CCDC186: variants seen among roughly 807,000 people sequenced by gnomAD.
CCDC186 encodes the protein coiled-coil domain containing 186.
CCDC186 carries 49 observed loss-of-function variants against 113.7 expected under a neutral mutation model. The observed-to-expected ratio is 0.43, with a 90% CI of 0.34 to 0.55. The LOEUF is 0.55. Among genes scored for constraint, CCDC186 ranks in the 20% least tolerant of loss-of-function variants. The pLI, the probability that CCDC186 is intolerant of heterozygous loss-of-function variation, is 0.02. For synonymous variants in CCDC186, 355 were observed against 345.8 expected (o/e 1.03, Z -0.30); for missense variants, 890 against 1,011.1 (o/e 0.88, Z 1.62).
chr10:114,155,630 G>A (rs985933170), intron 3 of CCDC186, among the ~76,000 whole-genome samples: 5 of 152,002 alleles, frequency 3.3e-5, no homozygotes, highest in African/African-American at 4.8e-5. Context: ...AGCCGAGATC[G>A]CGCCATTGCA....
At chr10:114,166,012 G>T in intron 1 of CCDC186, 2 of 850,918 alleles carry the variant, frequency 2.4e-6, no homozygotes, top group Non-Finnish European at 2.8e-6. Context: ...TCTGGAATAA[G>T]TTTTTTGTAG....
chr10:114,149,345 A>T (rs991854414), intron 4 of CCDC186, among the ~76,000 whole-genome samples: 5 of 152,126 alleles, frequency 3.3e-5, no homozygotes, highest in Non-Finnish European at 7.4e-5. Context: ...AAAAGAAAAA[A>T]ACACAAGAAT....
intron 2 of CCDC186, among the ~76,000 whole-genome samples, chr10:114,160,538 A>G (rs1054553778): frequency 4.6e-5 from 7 of 152,210 alleles, no homozygotes; most frequent in African/African-American, 1.4e-4. Context: ...TTCTCACCAC[A>G]CACACACAAA....
chr10:114,130,070 A>T, intron 12 of CCDC186, 99 bp from the exon 13 acceptor site: 1 of 1,015,386 alleles, frequency 9.8e-7, no homozygotes, highest in Non-Finnish European at 1.5e-6. Context: ...AAAATGGCAT[A>T]GACAAGAGAA....
At position 114,125,090 on chromosome 10, in the gene CCDC186, G is replaced by A; in HGVS notation, c.*53C>T. Reference sequence around the variant, plus strand: ...ACAAAGTCTCCAACAATAGAGGTCAGTGGCACCTACTCCTGTGTGGCTTTT... The same window carrying A: ...ACAAAGTCTCCAACAATAGAGGTCAATGGCACCTACTCCTGTGTGGCTTTT... On this transcript the variant is annotated 3_prime_UTR_variant, in exon 16 of 16. Coordinates refer to ENST00000369287, the MANE Select transcript of CCDC186 (RefSeq NM_018017.4). 1 of 1,311,554 alleles carries A rather than the reference G, an allele frequency of 7.6e-7. No homozygotes were observed. The highest frequency in any genetic ancestry group is 1.1e-6 in the Non-Finnish European group (1 of 934,686). The allele number at this position is 1,311,554 out of a possible 1,614,324, so 81.2% of individuals were successfully genotyped here. A position where few individuals can be genotyped will look rare whatever the true frequency, so the allele number is the denominator to read the frequency against.
chr10:114,141,718 A>G (rs2031475384), intron 6 of CCDC186, among the ~76,000 whole-genome samples: 1 of 152,000 alleles, frequency 6.6e-6, no homozygotes, highest in African/African-American at 2.4e-5. Context: ...AAGGGAACTC[A>G]CTGCACATTG....
chr10:114,167,592 C>A (rs1195083146), intron 1 of CCDC186, among the ~76,000 whole-genome samples: 1 of 151,734 alleles, frequency 6.6e-6, no homozygotes, highest in East Asian at 1.9e-4. Context: ...GTCATCGAGG[C>A]TACTAAGGAT....
chr10:114,127,435 G>T, intron 14 of CCDC186, 26 bp downstream of exon 14: 1 of 1,596,628 alleles, frequency 6.3e-7, no homozygotes, highest in Non-Finnish European at 8.6e-7. Context: ...TTTGAAGACC[G>T]ATCATGCTAC....
chr10:114,145,334 C>T (rs1349374975), intron 5 of CCDC186, among the ~76,000 whole-genome samples: 3 of 115,580 alleles, frequency 2.6e-5, no homozygotes, highest in Non-Finnish European at 5.3e-5. Flanking sequence ...CATGTGCCAA[C>T]ACTTATTTTT....
At chr10:114,137,690 A>G (rs1041214598) in intron 6 of CCDC186, among the ~76,000 whole-genome samples, 82 of 151,896 alleles carry the variant, frequency 5.4e-4, no homozygotes, top group African/African-American at 1.8e-3. Flanking sequence ...ATAACCTAAG[A>G]TCAGGAACTT....
chr10:114,170,745 A>G (rs761088911), intron 1 of CCDC186, among the ~76,000 whole-genome samples: 25 of 152,238 alleles, frequency 1.6e-4, no homozygotes, highest in South Asian at 4.1e-4. Context: ...CTGTGGGGGT[A>G]TGTTTAGCTT....
At chr10:114,165,621 C>T (rs1444213498) in intron 1 of CCDC186, among the ~76,000 whole-genome samples, 1 of 152,150 alleles carries the variant, frequency 6.6e-6, no homozygotes, top group Non-Finnish European at 1.5e-5. Flanking sequence ...ACCCGGAAGG[C>T]AGAGGTTGCA....
intron 1 of CCDC186, chr10:114,173,129 A>G (rs1366395094): frequency 4.7e-6 from 2 of 426,562 alleles, no homozygotes; most frequent in African/African-American, 4.1e-5. Context: ...TGCAGAGAAA[A>G]CGGCCAAGTA....
At chr10:114,169,402 C>G (rs567823245) in intron 1 of CCDC186, among the ~76,000 whole-genome samples, 1 of 152,066 alleles carries the variant, frequency 6.6e-6, no homozygotes, top group African/African-American at 2.4e-5. Context: ...TGCCATCACA[C>G]CCAGCTAATT....
In CCDC186 at chr10:114,144,557, A is replaced by G. The variant is rs1454909450; in HGVS notation, c.1161T>C (p.Ser387=). The G allele has an allele frequency of 1.9e-6, 3 of 1,613,234 alleles. No individual in the cohort carries two copies. Among genetic ancestry groups the G allele is most frequent in the Non-Finnish European group, 2.5e-6 (3 of 1,179,376 alleles). The change falls in exon 6 of 16, where the codon TCT becomes TCC. Residue 387 remains serine, a synonymous_variant. Coordinates refer to ENST00000369287, the MANE Select transcript of CCDC186 (RefSeq NM_018017.4). ...GTGCCCACTTTACTTTGATGACGTG[A>G]GAGTTAATGTCTTCCTTTAATTTGT... ...EIDKLKEDIN[S]HVIKVKWAQN...
intron 13 of CCDC186, 96 bp from the exon 14 acceptor site, chr10:114,127,767 C>T (rs1182128006): frequency 8.8e-7 from 1 of 1,140,848 alleles, no homozygotes; most frequent in Non-Finnish European, 1.2e-6. Flanking sequence ...CAAATATTCA[C>T]TCTAACAGAG....
At chr10:114,152,269 G>A (rs2031878733) in intron 3 of CCDC186, among the ~76,000 whole-genome samples, 1 of 151,822 alleles carries the variant, frequency 6.6e-6, no homozygotes, top group African/African-American at 2.4e-5. Flanking sequence ...TAGAGCCAAG[G>A]AGTTTGAGGC....
intron 2 of CCDC186, among the ~76,000 whole-genome samples, chr10:114,159,002 A>AGCTGGCTT (rs1269855339): frequency 6.6e-6 from 1 of 152,226 alleles, no homozygotes. Context: ...CTGGTGATTA[A>AGCTGGCTT]ATCCTATTAA....
At chr10:114,152,074 C>T (rs567829711) in intron 3 of CCDC186, among the ~76,000 whole-genome samples, 1 of 152,298 alleles carries the variant, frequency 6.6e-6, no homozygotes, top group East Asian at 1.9e-4. Flanking sequence ...CAGGTAGTGG[C>T]TTATGCCTGT....
Sources: allele counts gnomAD v4.1 joint callset (sites outside exome capture counted in the v4.1 genomes callset), GRCh38; gene constraint gnomAD v4.1.1; transcripts MANE v1.5; gene names NCBI Gene and HGNC (gene_info 2026-07-23, HGNC 2026-07-21).